ZZEF1: variants seen among roughly 807,000 people sequenced by gnomAD.
The protein encoded by ZZEF1 is zinc finger ZZ-type and EF-hand domain-containing protein 1.
Under a neutral mutation model 342.8 loss-of-function variants are expected in ZZEF1, and 157 were observed. The observed-to-expected ratio is 0.46, with a 90% confidence interval of 0.40 to 0.52. The LOEUF (loss-of-function observed/expected upper bound fraction) is 0.52, where lower values mean the gene tolerates loss of function less well. Ranked by LOEUF, ZZEF1 falls within the 20% of genes least tolerant of loss-of-function variation. The pLI is 0.00. For synonymous variants in ZZEF1, 1,505 were observed against 1,429.1 expected, an observed-to-expected ratio of 1.05 and a Z score of -1.20; for missense variants, 3,480 against 3,725.6, an observed-to-expected ratio of 0.93 and a Z score of 1.72.
In ZZEF1 at chr17:4,046,848, T is replaced by C. The variant is rs532268987; in HGVS notation, c.6016-2474A>G. On this transcript the variant is annotated intron_variant, in intron 37 of 54. Transcript: ENST00000381638. Reference sequence around the variant, plus strand: ...CTGGCTAAGGTTAGTTTCTCAGTTGTTGAAAACAAAAAGTATCTCTAGTCA... The same window carrying C: ...CTGGCTAAGGTTAGTTTCTCAGTTGCTGAAAACAAAAAGTATCTCTAGTCA... 5.3e-5 allele frequency among the ~76,000 whole-genome samples: 8 copies of C among 152,354 alleles called. No homozygotes were observed. In the East Asian group the frequency reaches 1.5e-3, roughly 29 times the overall value.
Position 4,032,219 on chromosome 17 carries a change from C to T in ZZEF1, c.6799G>A (p.Ala2267Thr), listed in dbSNP as rs200209672. The T allele has an allele frequency of 2.5e-6, 4 of 1,613,918 alleles. No homozygotes were observed. The highest frequency in any genetic ancestry group is 2.2e-5 in the East Asian group (1 of 44,864). Reference sequence around the variant, plus strand: ...ATGATCACATTATGGGGTTCATTGGCATTATCCATATAAACGCAGCGGGTT... The same window carrying T: ...ATGATCACATTATGGGGTTCATTGGTATTATCCATATAAACGCAGCGGGTT... ...VGTRCVYMDN[A>T]NEPHNVIILK... Residue 2267 changes from alanine to threonine, a missense_variant, in exon 42 of 55, where the codon GCC becomes ACC. By Grantham distance (58) the Ala-to-Thr change is moderately conservative (BLOSUM62 0). This residue lies in a region of ZZEF1 where 1,269 missense variants were observed against 1,342.4 expected (regional missense o/e 0.95). Transcript: ENST00000381638.
chr17:4,072,535 T>C, intron 25 of ZZEF1, 73 bp downstream of exon 25: 8 of 1,486,636 alleles, frequency 5.4e-6, no homozygotes, highest in Non-Finnish European at 7.2e-6. Context: ...AACACAAGTG[T>C]TTATAACTTA....
intron 1 of ZZEF1, among the ~76,000 whole-genome samples, chr17:4,140,687 T>A (rs1231166644): frequency 1.3e-5 from 2 of 152,208 alleles, no homozygotes; most frequent in Non-Finnish European, 2.9e-5. Flanking sequence ...TCCTATGAAC[T>A]CTACATAAAG....
At chr17:4,109,260 T>C (rs564266565) in intron 6 of ZZEF1, among the ~76,000 whole-genome samples, 2 of 152,278 alleles carry the variant, frequency 1.3e-5, no homozygotes, top group South Asian at 2.1e-4. Flanking sequence ...GTAGGTAAAA[T>C]AATAGACTGC....
intron 26 of ZZEF1, among the ~76,000 whole-genome samples, chr17:4,067,804 G>T (rs1388867520): frequency 6.6e-6 from 1 of 152,136 alleles, no homozygotes; most frequent in Non-Finnish European, 1.5e-5. Context: ...CACCATCATA[G>T]CTCCCTGCAG....
Position 4,102,298 on chromosome 17 carries a change from A to C in ZZEF1, c.1672+19T>G. ...CCTGTCTACCGAGCACACTAGAAAC[A>C]GACAGACCCACCACTCACCATCCCT... On this transcript the variant is annotated intron_variant, in intron 9 of 54. Transcript: ENST00000381638. The C allele has an allele frequency of 6.2e-7, 1 of 1,610,288 alleles. No homozygotes were observed. Among genetic ancestry groups the C allele is most frequent in the Non-Finnish European group, 8.5e-7 (1 of 1,176,746 alleles).
chr17:4,112,706 C>T lies in ZZEF1; in HGVS notation c.969G>A (p.Arg323=). The T allele has an allele frequency of 5.0e-6, 8 of 1,614,226 alleles. No individual in the cohort carries two copies. Among genetic ancestry groups the T allele is most frequent in the South Asian group, 1.1e-5 (1 of 91,082 alleles). Residue 323 remains arginine, a synonymous_variant, in exon 5 of 55, where the codon AGG becomes AGA. Coordinates refer to ENST00000381638, the MANE Select transcript of ZZEF1 (RefSeq NM_015113.4). ...MPQQVTVAVG[R]NASDLQEVRD... is the part of the protein sequence containing the mutation. ...GGACTTCCTGAAGATCGCTGGCATT[C>T]CTCCCTACAGCTACTGTCACCTGCT...
chr17:4,057,111 G>A (rs893570203), intron 32 of ZZEF1, among the ~76,000 whole-genome samples: 2 of 152,136 alleles, frequency 1.3e-5, no homozygotes, highest in African/African-American at 2.4e-5. Flanking sequence ...CAAGCTTTGC[G>A]CTCGGTGCCA....
intron 49 of ZZEF1, among the ~76,000 whole-genome samples, chr17:4,015,567 C>T (rs775132417): frequency 1.1e-4 from 17 of 152,194 alleles, no homozygotes; most frequent in Non-Finnish European, 2.4e-4. Context: ...GAGTTAGAGA[C>T]CAGCCTGGCC....
intron 39 of ZZEF1, among the ~76,000 whole-genome samples, chr17:4,040,745 G>C (rs1217027654): frequency 3.9e-5 from 6 of 152,298 alleles, no homozygotes; most frequent in Non-Finnish European, 8.8e-5. Flanking sequence ...GGCTGGCACA[G>C]AGCAGTTAAC....
chr17:4,060,638 G>C (rs1186625044), intron 30 of ZZEF1, among the ~76,000 whole-genome samples: 1 of 137,328 alleles, frequency 7.3e-6, no homozygotes, highest in Non-Finnish European at 1.5e-5. Flanking sequence ...ACCCCTTCCT[G>C]CTTCTCCTGA....
chr17:4,104,915 T>A, intron 7 of ZZEF1, 104 bp from the exon 8 acceptor site: 1 of 943,064 alleles, frequency 1.1e-6, no homozygotes. Context: ...TAACCTGCCA[T>A]ATGCTTTCTA....
chr17:4,054,307 G>A, intron 33 of ZZEF1, 112 bp from the exon 34 acceptor site: 2 of 1,216,134 alleles, frequency 1.6e-6, no homozygotes, highest in Non-Finnish European at 2.3e-6. Flanking sequence ...ATTGTACTAA[G>A]TGCTAGGATT....
At chr17:4,105,598 A>T (rs931737335) in intron 7 of ZZEF1, 95 bp downstream of exon 7, 10 of 971,984 alleles carry the variant, frequency 1.0e-5, no homozygotes, top group Non-Finnish European at 1.6e-5. Context: ...TTTAGTGGTG[A>T]TCGTTAAAAG....
At chr17:4,060,554 C>T (rs1465977528) in intron 30 of ZZEF1, among the ~76,000 whole-genome samples, 2 of 132,490 alleles carry the variant, frequency 1.5e-5, no homozygotes, top group African/African-American at 7.1e-5. Context: ...TGTCTCAAGA[C>T]AAAAAAACAA....
intron 3 of ZZEF1, among the ~76,000 whole-genome samples, chr17:4,116,237 C>T (rs868422436): frequency 2.0e-5 from 3 of 152,136 alleles, no homozygotes; most frequent in African/African-American, 4.8e-5. Flanking sequence ...GAGAATCGCT[C>T]GAACCCAGGA....
intron 42 of ZZEF1, among the ~76,000 whole-genome samples, chr17:4,029,142 C>G (rs1182526347): frequency 1.3e-5 from 2 of 152,076 alleles, no homozygotes; most frequent in Non-Finnish European, 2.9e-5. Context: ...GATACTCCAC[C>G]AACAACATAG....
At chr17:4,011,145 C>T (rs1245080174) in intron 52 of ZZEF1, among the ~76,000 whole-genome samples, 13 of 151,422 alleles carry the variant, frequency 8.6e-5, no homozygotes. Flanking sequence ...CTCATACCTA[C>T]AATCTCAGCA....
rs1273145918 is a variant in ZZEF1, at chr17:4,112,813, A to G, written c.867-5T>C. 2 of 1,548,840 alleles carry G rather than the reference A, an allele frequency of 1.3e-6. No individual in the cohort carries two copies. Among genetic ancestry groups the G allele is most frequent in the Admixed American group, 4.1e-5 (2 of 49,378 alleles). On this transcript the variant is annotated splice_polypyrimidine_tract_variant and splice_region_variant and intron_variant, in intron 4 of 54. Transcript: ENST00000381638. ...ACATCTGGCTTCATTTTTAAACTGG[A>G]AAACACAAAAAGCAGAAATTACAAA...
Sources: allele counts gnomAD v4.1 joint callset (sites outside exome capture counted in the v4.1 genomes callset), GRCh38; gene constraint gnomAD v4.1.1; regional missense constraint gnomAD v4.1.1; transcripts MANE v1.5; gene names NCBI Gene and HGNC (gene_info 2026-07-23, HGNC 2026-07-21).